MAP2K5: variants seen among roughly 807,000 people sequenced by gnomAD.
MAP2K5 encodes the protein dual specificity mitogen-activated protein kinase kinase 5.
In MAP2K5, 49 loss-of-function variants were observed where a neutral mutation model predicts 83.1. That is an observed-to-expected ratio of 0.59 (90% confidence interval 0.47 to 0.75). The LOEUF (loss-of-function observed/expected upper bound fraction) is 0.75. Ranked by LOEUF, MAP2K5 falls within the 30% of genes least tolerant of loss-of-function variation. The probability of loss-of-function intolerance (pLI) is 0.00; values close to 1 mark genes in which losing one functional copy is unlikely to be tolerated. For synonymous variants in MAP2K5, 202 were observed against 191.8 expected (o/e 1.05, Z -0.44); for missense variants, 457 against 557.5 (o/e 0.82, Z 1.82).
At chr15:67,586,668 A>C (rs144594645) in intron 5 of MAP2K5, among the ~76,000 whole-genome samples, 178 bp from the exon 6 acceptor site, 11 of 152,320 alleles carry the variant, frequency 7.2e-5, no homozygotes, top group African/African-American at 2.6e-4. Context: ...AATATTATGT[A>C]ATGTATGGGT....
rs567797430 is a variant in MAP2K5 at position 67,661,675 on chromosome 15, CCTAA to C, written c.799-2918_799-2915del. ...TCAGTATTTGTTTTACTTTTTTCTA[CCTAA>C]CTATCAGAATATATTGGATTGCCTT... On this transcript the variant is annotated intron_variant, in intron 12 of 21. Coordinates refer to ENST00000178640, the MANE Select transcript of MAP2K5 (RefSeq NM_145160.3). Among the ~76,000 whole-genome samples the C allele has an allele frequency of 1.8e-4, 27 of 152,128 alleles. No homozygotes were observed. The East Asian group carries it at 2.7e-3, about 15-fold the overall frequency.
intron 21 of MAP2K5, among the ~76,000 whole-genome samples, chr15:67,789,353 CTCTTCT>C (rs886166219): frequency 6.6e-6 from 1 of 152,018 alleles, no homozygotes; most frequent in Non-Finnish European, 1.5e-5. Context: ...AGAATGTTAG[CTCTTCT>C]TCTTCATCTC....
intron 21 of MAP2K5, among the ~76,000 whole-genome samples, chr15:67,784,284 C>T (rs76877183): frequency 5.0e-3 from 763 of 152,298 alleles, no homozygotes; most frequent in Non-Finnish European, 7.7e-3. Context: ...AAGCTACACC[C>T]GTTGTTGCAT....
intron 19 of MAP2K5, among the ~76,000 whole-genome samples, chr15:67,762,475 AC>A (rs1168226303): frequency 6.6e-6 from 1 of 151,712 alleles, no homozygotes; most frequent in Admixed American, 6.6e-5. Context: ...TTCTCCACTC[AC>A]CTATTTTCAA....
At chr15:67,728,085 A>T (rs1319105340) in intron 17 of MAP2K5, 140 bp downstream of exon 17, 3 of 756,816 alleles carry the variant, frequency 4.0e-6, no homozygotes, top group Non-Finnish European at 6.9e-6. Flanking sequence ...TAAAGGGTTC[A>T]TTTAGAAATC....
intron 3 of MAP2K5, among the ~76,000 whole-genome samples, chr15:67,578,498 A>G (rs919736886): frequency 6.6e-6 from 1 of 152,216 alleles, no homozygotes; most frequent in South Asian, 2.1e-4. Context: ...TAATACAGAC[A>G]CAGATCAAAT....
rs545681621 is a variant in MAP2K5 at position 67,637,849 on chromosome 15, T to G, written c.585+6922T>G. ...AATCATAGGGCTCATCTCATTTGTT[T>G]TCCATCTTTCAGGGATCACTGCCCC... On this transcript the variant is annotated intron_variant, in intron 9 of 21. Coordinates refer to ENST00000178640, the MANE Select transcript of MAP2K5 (RefSeq NM_145160.3). This position sits in a 1 kb window ranked among gnomAD's most constrained non-coding sequence, Gnocchi z 4.5. Among the ~76,000 whole-genome samples the G allele has an allele frequency of 6.6e-5, 10 of 152,066 alleles. No individual in the cohort carries two copies. The highest frequency in any genetic ancestry group is 9.7e-5 in the African/African-American group (4 of 41,416).
intron 12 of MAP2K5, among the ~76,000 whole-genome samples, chr15:67,661,905 A>G (rs1384589567): frequency 6.6e-6 from 1 of 152,118 alleles, no homozygotes; most frequent in Non-Finnish European, 1.5e-5. Context: ...TGTTATCGTT[A>G]TGGATGTTAA....
intron 7 of MAP2K5, among the ~76,000 whole-genome samples, chr15:67,598,250 T>G (rs1364351107): frequency 2.0e-5 from 3 of 152,076 alleles, no homozygotes; most frequent in African/African-American, 7.2e-5. Flanking sequence ...GTCAATCAGT[T>G]CACAGGCCAA....
At chr15:67,673,951 C>T (rs752474500) in intron 13 of MAP2K5, among the ~76,000 whole-genome samples, 5 of 152,094 alleles carry the variant, frequency 3.3e-5, no homozygotes, top group South Asian at 4.1e-4. Context: ...CAGGTTCAAA[C>T]GATTCTCCTG....
rs2084644894 is a variant in MAP2K5, at chr15:67,557,158, TAA to T, written c.185-6121_185-6120del. On this transcript the variant is annotated intron_variant, in intron 2 of 21. Transcript: ENST00000178640. ...ATGAGTACACCAACACATGAGGTGATAAAAATCAACCGTGCCCACTAATGCAT... is the reference window on the plus strand; with the variant it reads ...ATGAGTACACCAACACATGAGGTGATAAATCAACCGTGCCCACTAATGCAT... Among the ~76,000 whole-genome samples, 4 of 152,304 alleles carry T rather than the reference TAA, an allele frequency of 2.6e-5. No homozygotes were observed. The South Asian group carries it at 8.3e-4, about 32-fold the overall frequency.
intron 21 of MAP2K5, among the ~76,000 whole-genome samples, chr15:67,789,314 T>G (rs927131009): frequency 3.9e-5 from 6 of 152,250 alleles, no homozygotes; most frequent in African/African-American, 1.4e-4. Flanking sequence ...ACTGTGTCTC[T>G]ATGTATACAT....
At chr15:67,588,657 C>T (rs2085334611) in intron 6 of MAP2K5, among the ~76,000 whole-genome samples, 1 of 152,192 alleles carries the variant, frequency 6.6e-6, no homozygotes, top group African/African-American at 2.4e-5. Flanking sequence ...TCTTTTACAT[C>T]TTACCTCTGG....
In MAP2K5 at chr15:67,600,790, C is replaced by A. The variant is rs900477623; in HGVS notation, c.545+41C>A. On this transcript the variant is annotated intron_variant, in intron 8 of 21. Transcript: ENST00000178640. ...TGTTTAAACTTTCTATCCGCTTTTC[C>A]AAATACTGAGTATCCAAGTTCTCTG... The A allele has an allele frequency of 4.1e-6, 6 of 1,456,254 alleles. No individual in the cohort carries two copies. The African/African-American group carries it at 7.2e-5, about 17-fold the overall frequency. The allele number at this position is 1,456,254 out of a possible 1,614,324, so 90.2% of individuals were successfully genotyped here.
intron 13 of MAP2K5, among the ~76,000 whole-genome samples, chr15:67,680,288 C>G (rs919611251): frequency 1.3e-5 from 2 of 152,198 alleles, no homozygotes; most frequent in African/African-American, 4.8e-5. Flanking sequence ...TTTTCATACA[C>G]AAGTCTTTAT....
At chr15:67,787,953 T>C (rs1446175677) in intron 21 of MAP2K5, among the ~76,000 whole-genome samples, 1 of 152,168 alleles carries the variant, frequency 6.6e-6, no homozygotes, top group Non-Finnish European at 1.5e-5. Context: ...TACCCAAAAA[T>C]AATAAGGCTC....
rs942980200 is a variant in MAP2K5, at chr15:67,568,450, A to G, written c.252+5100A>G. ...AAGGTAACCACAGAGGTTTTGTTCA[A>G]CTCTTTCATTTTACAAATAAGGACA... On this transcript the variant is annotated intron_variant, in intron 3 of 21. Transcript: ENST00000178640. 2.6e-5 allele frequency among the ~76,000 whole-genome samples: 4 copies of G among 151,982 alleles called. No homozygotes were observed. The East Asian group carries it at 5.8e-4, about 22-fold the overall frequency.
At chr15:67,662,913 C>T (rs1163217272) in intron 12 of MAP2K5, among the ~76,000 whole-genome samples, 3 of 152,128 alleles carry the variant, frequency 2.0e-5, no homozygotes, top group Non-Finnish European at 4.4e-5. Context: ...TTCATTCTTT[C>T]CTGCCCCAAT....
rs187748613 is a variant in MAP2K5 at position 67,770,273 on chromosome 15, A to G, written c.1196+610A>G. 4.8e-3 allele frequency among the ~76,000 whole-genome samples: 727 copies of G among 152,320 alleles called. 3 individuals carry two copies. The highest frequency in any genetic ancestry group is 7.8e-3 in the Non-Finnish European group (528 of 68,018). On this transcript the variant is annotated intron_variant, in intron 20 of 21. Coordinates refer to ENST00000178640, the MANE Select transcript of MAP2K5 (RefSeq NM_145160.3). This position sits in a 1 kb window ranked among gnomAD's most constrained non-coding sequence, Gnocchi z 5.0. The stretch of plus-strand genomic sequence containing the variant: ...TTGTCATTTTATATCTGAAGAAACA[A>G]GCATTTTACTGCCAAGGGTTCTTTG...
Sources: gnomAD v4.1 joint callset for allele counts (sites outside exome capture counted in the v4.1 genomes callset) on GRCh38, gnomAD v4.1.1 for gene constraint, Gnocchi (gnomAD v3.1) non-coding constraint, MANE v1.5 for transcripts, NCBI Gene and HGNC (gene_info 2026-07-23, HGNC 2026-07-21) for gene names.